GABRG3: variants seen among roughly 807,000 people sequenced by gnomAD.
GABRG3 encodes gamma-aminobutyric acid type A receptor subunit gamma3, also known as gamma-aminobutyric acid receptor subunit gamma-3.
A neutral mutation model predicts 48.8 loss-of-function variants in GABRG3; 25 were observed. That is an observed-to-expected ratio of 0.51 (90% CI 0.37 to 0.72). The LOEUF (loss-of-function observed/expected upper bound fraction) is 0.72, where lower values mean the gene tolerates loss of function less well. Ranked by LOEUF, GABRG3 falls within the 30% of genes least tolerant of loss-of-function variation. The pLI is 0.00. For missense variants in GABRG3, 394 were observed against 577.9 expected (o/e 0.68, Z 3.26); for synonymous variants, 227 against 217.6 (o/e 1.04, Z -0.38).
rs1473150625 is a variant in GABRG3 at position 27,313,254 on chromosome 15, GTGTGTGTGTATATATATATATATATA to G, written c.271-13553_271-13528del. On this transcript the variant is annotated intron_variant, in intron 3 of 9. Transcript: ENST00000615808. ...TATATGTATATATGTGTGTGTGTGTGTGTGTGTGTATATATATATATATATATATATATATATATATATATATATAT... is the reference window on the plus strand; with the variant it reads ...TATATGTATATATGTGTGTGTGTGTGTATATATATATATATATATATATAT... Among the ~76,000 whole-genome samples the G allele has an allele frequency of 3.0e-3, 188 of 62,550 alleles. 3 individuals carry two copies. Among genetic ancestry groups the G allele is most frequent in the African/African-American group, 0.011 (173 of 15,958 alleles). The allele number at this position is 62,550 out of a possible 152,430, so 41.0% of individuals were successfully genotyped here. A position where few individuals can be genotyped will look rare whatever the true frequency, so the allele number is the denominator to read the frequency against.
chr15:27,142,927 G>A lies in GABRG3; in HGVS notation c.270+116106G>A, dbSNP rs538194381. Among the ~76,000 whole-genome samples the A allele has an allele frequency of 5.9e-5, 9 of 151,928 alleles. No individual in the cohort carries two copies. The East Asian group carries it at 1.2e-3, about 20-fold the overall frequency. The stretch of plus-strand genomic sequence containing the variant: ...GAGCTACCACATCTGGCTAATTTTT[G>A]TAGTATTTGTAGAGATAAGGTTTTG... On this transcript the variant is annotated intron_variant, in intron 3 of 9. Coordinates refer to ENST00000615808, the MANE Select transcript of GABRG3 (RefSeq NM_033223.5).
rs1383151913 is a variant in GABRG3 at position 27,236,771 on chromosome 15, A to G, written c.271-90038A>G. On this transcript the variant is annotated intron_variant, in intron 3 of 9. Transcript: ENST00000615808. This position sits in a 1 kb window ranked among gnomAD's most constrained non-coding sequence, Gnocchi z 4.4. ...AAAACTCTATCCTCGGATCATGCGA[A>G]CACTGCCATTTTTTTAACATGGGTC... 1.3e-5 allele frequency among the ~76,000 whole-genome samples: 2 copies of G among 152,210 alleles called. No individual in the cohort carries two copies. Among genetic ancestry groups the G allele is most frequent in the Admixed American group, 6.5e-5 (1 of 15,286 alleles).
chr15:26,987,117 G>C (rs1895165949), intron 2 of GABRG3, among the ~76,000 whole-genome samples: 1 of 152,192 alleles, frequency 6.6e-6, no homozygotes, highest in South Asian at 2.1e-4. Context: ...AATTAGCTGG[G>C]AGTGGTGGCA....
intron 3 of GABRG3, among the ~76,000 whole-genome samples, chr15:27,229,914 A>AT (rs1004516020): frequency 3.9e-5 from 6 of 151,912 alleles, no homozygotes; most frequent in African/African-American, 1.2e-4. Context: ...ATTTTAAAAT[A>AT]TTTTTTTCTA....
intron 5 of GABRG3, among the ~76,000 whole-genome samples, chr15:27,373,991 G>GTTATTTAT (rs1272668004): frequency 6.6e-6 from 1 of 151,628 alleles, no homozygotes; most frequent in Non-Finnish European, 1.5e-5. Context: ...TCATTATTTT[G>GTTATTTAT]TTATTTATTT....
chr15:27,240,725 T>A (rs964317810), intron 3 of GABRG3, among the ~76,000 whole-genome samples: 5 of 152,208 alleles, frequency 3.3e-5, no homozygotes, highest in Non-Finnish European at 7.3e-5. Context: ...GACTTTAACA[T>A]TTTTTCGTTT....
intron 3 of GABRG3, among the ~76,000 whole-genome samples, chr15:27,231,373 G>C (rs1436028610): frequency 6.6e-6 from 1 of 152,228 alleles, no homozygotes; most frequent in South Asian, 2.1e-4. Flanking sequence ...GCAGGCTGCT[G>C]GAGCAGCAAG....
chr15:27,298,381 A>G (rs1178646196), intron 3 of GABRG3, among the ~76,000 whole-genome samples: 1 of 152,122 alleles, frequency 6.6e-6, no homozygotes. Context: ...TTCTCCAAAG[A>G]TGATTTTGAG....
intron 3 of GABRG3, among the ~76,000 whole-genome samples, chr15:27,060,720 A>C (rs888468374): frequency 3.9e-5 from 6 of 152,214 alleles, no homozygotes; most frequent in African/African-American, 1.4e-4. Context: ...GTAGGGTGTA[A>C]GGAAGGAGGG....
chr15:27,351,164 C>T (rs968654669), intron 5 of GABRG3, among the ~76,000 whole-genome samples: 4 of 119,274 alleles, frequency 3.4e-5, no homozygotes, highest in Middle Eastern at 8.5e-3. Flanking sequence ...GGTGCATGTG[C>T]GTATGGTGTA....
chr15:27,437,032 A>AGAGAGAGAGAGAGAGAGAGAGAGC (rs757526143), intron 5 of GABRG3, among the ~76,000 whole-genome samples: 1 of 144,866 alleles, frequency 6.9e-6, no homozygotes, highest in African/African-American at 2.7e-5. Context: ...AGAGAGAGAG[A>AGAGAGAGAGAGAGAGAGAGAGAGC]GCGCCCACAT....
intron 3 of GABRG3, chr15:27,027,132 G>A (rs926277077): frequency 7.1e-5 from 17 of 239,280 alleles, no homozygotes; most frequent in Non-Finnish European, 1.2e-4. Flanking sequence ...GACTTTGAGA[G>A]TAAATAAACT....
At chr15:27,375,043 GGGGGT>G (rs1451365267) in intron 5 of GABRG3, among the ~76,000 whole-genome samples, 1 of 152,118 alleles carries the variant, frequency 6.6e-6, no homozygotes, top group Non-Finnish European at 1.5e-5. Context: ...ATAATTTTGG[GGGGGT>G]GGGTAGTAAA....
rs1891571587 is a variant in GABRG3, at chr15:27,537,379, T to TG, written c.*4499dup. 6.6e-6 allele frequency: 1 copy of TG among 152,216 alleles called. No homozygotes were observed. The highest frequency in any genetic ancestry group is 6.5e-5 in the Admixed American group (1 of 15,286). 9.4% of individuals were successfully genotyped at this position (152,216 alleles called of 1,614,324 possible). Reference sequence around the variant, plus strand: ...CCCAAAATTGAGAAAGTGTGTAATCTGTACCTATTTTTTTTCTCAAATTGG... The same window carrying TG: ...CCCAAAATTGAGAAAGTGTGTAATCTGGTACCTATTTTTTTTCTCAAATTGG... On this transcript the variant is annotated 3_prime_UTR_variant, in exon 10 of 10. Coordinates refer to ENST00000615808, the MANE Select transcript of GABRG3 (RefSeq NM_033223.5).
intron 2 of GABRG3, among the ~76,000 whole-genome samples, chr15:27,012,641 G>A (rs1209257033): frequency 6.6e-6 from 1 of 152,092 alleles, no homozygotes; most frequent in Non-Finnish European, 1.5e-5. Context: ...CCATATCCAA[G>A]GTAGACTCTT....
intron 3 of GABRG3, among the ~76,000 whole-genome samples, chr15:27,185,142 C>G (rs995355086): frequency 6.6e-6 from 1 of 151,844 alleles, no homozygotes; most frequent in East Asian, 1.9e-4. Flanking sequence ...TGATTTGAGA[C>G]CTTCTTTCCT....
In GABRG3 at chr15:27,387,800, AGAAG is replaced by A. The variant is rs1158483869; in HGVS notation, c.574+58915_574+58918del. On this transcript the variant is annotated intron_variant, in intron 5 of 9. Coordinates refer to ENST00000615808, the MANE Select transcript of GABRG3 (RefSeq NM_033223.5). ...TCAGTGCACTCTGCAGTGCTGAGAA[AGAAG>A]GAGGGAGGGAGGGAGGGAGGGAGAG... is the stretch of plus-strand genomic sequence containing the variant. Among the ~76,000 whole-genome samples the A allele has an allele frequency of 9.0e-4, 100 of 110,740 alleles. 1 individual carries two copies. The highest frequency in any genetic ancestry group is 3.6e-3 in the African/African-American group (96 of 26,712). The allele number at this position is 110,740 out of a possible 152,430, so 72.6% of individuals were successfully genotyped here. A position where few individuals can be genotyped will look rare whatever the true frequency, so the allele number is the denominator to read the frequency against.
At chr15:27,311,386 A>G (rs957501691) in intron 3 of GABRG3, among the ~76,000 whole-genome samples, 3 of 152,154 alleles carry the variant, frequency 2.0e-5, no homozygotes, top group Non-Finnish European at 4.4e-5. Context: ...CTATGCATCC[A>G]GAACCCCACT....
intron 3 of GABRG3, among the ~76,000 whole-genome samples, chr15:27,055,777 A>G (rs1005895200): frequency 6.6e-6 from 1 of 152,194 alleles, no homozygotes. Flanking sequence ...GGGATACCCA[A>G]CCAGTAATGA....
Sources: allele counts gnomAD v4.1 joint callset (sites outside exome capture counted in the v4.1 genomes callset), GRCh38; gene constraint gnomAD v4.1.1; non-coding constraint Gnocchi (gnomAD v3.1); transcripts MANE v1.5; gene names NCBI Gene and HGNC (gene_info 2026-07-23, HGNC 2026-07-21).